The following NADK2 variants were observed in gnomAD, a reference collection of about 807,000 sequenced individuals.
NADK2 encodes NAD kinase domain-containing protein 1, mitochondrial.
Under a neutral mutation model 62.1 loss-of-function variants are expected in NADK2, and 35 were observed. That is an observed-to-expected ratio of 0.56 (90% CI 0.43 to 0.75). The LOEUF (loss-of-function observed/expected upper bound fraction) is 0.75, where lower values mean the gene tolerates loss of function less well. NADK2 is among the 30% of genes least tolerant of loss of function. The pLI, the probability that NADK2 is intolerant of heterozygous loss-of-function variation, is 0.00. For synonymous variants in NADK2, 205 were observed against 207.9 expected (o/e 0.99, Z 0.12); for missense variants, 439 against 561.3 (o/e 0.78, Z 2.20).
At position 36,217,744 on chromosome 5, in the gene NADK2, C is replaced by T. The variant is rs764611157; in HGVS notation, c.781+4G>A. The T allele has an allele frequency of 6.2e-7, 1 of 1,613,550 alleles. No individual in the cohort carries two copies. Among genetic ancestry groups the T allele is most frequent in the Non-Finnish European group, 8.5e-7 (1 of 1,179,770 alleles). Reference sequence around the variant, plus strand: ...CAAACACATCTGATGCCCAATCCACCTACTTTCATCATGAGCTCTTTCAAT... The same window carrying T: ...CAAACACATCTGATGCCCAATCCACTTACTTTCATCATGAGCTCTTTCAAT... On this transcript the variant is annotated splice_donor_region_variant and intron_variant, in intron 6 of 11. Coordinates refer to ENST00000381937, the MANE Select transcript of NADK2 (RefSeq NM_001085411.3).
rs35678845 is a variant in NADK2, at chr5:36,193,474, CAAAAAAAAAAA to C, written c.*1659_*1669del. On this transcript the variant is annotated 3_prime_UTR_variant, in exon 12 of 12. Transcript: ENST00000381937. ...GGGTGACAAAGCAAGACTCCGTTCT[CAAAAAAAAAAA>C]AAAAAAAAAAGAAGGTATTTTAAGC... 3 of 60,434 alleles carry C rather than the reference CAAAAAAAAAAA, an allele frequency of 5.0e-5. No individual in the cohort carries two copies. Among genetic ancestry groups the C allele is most frequent in the South Asian group, 6.2e-4 (1 of 1,622 alleles). 3.7% of individuals were successfully genotyped at this position (60,434 alleles called of 1,614,324 possible). A position where few individuals can be genotyped will look rare whatever the true frequency, so the allele number is the denominator to read the frequency against.
At chr5:36,224,090 A>G (rs1435978987) in intron 4 of NADK2, among the ~76,000 whole-genome samples, 3 of 152,202 alleles carry the variant, frequency 2.0e-5, no homozygotes, top group Admixed American at 6.5e-5. Flanking sequence ...AGCAGCCACC[A>G]CAGAGAATGG....
chr5:36,217,602 C>T (rs998465601), intron 6 of NADK2, 146 bp downstream of exon 6: 2 of 839,340 alleles, frequency 2.4e-6, no homozygotes, highest in Non-Finnish European at 1.9e-6. Context: ...TTCTAATAAA[C>T]TTTACAACTG....
At chr5:36,237,772 TG>T (rs1448921191) in intron 1 of NADK2, among the ~76,000 whole-genome samples, 1 of 152,208 alleles carries the variant, frequency 6.6e-6, no homozygotes, top group Non-Finnish European at 1.5e-5. Flanking sequence ...TCAGTTTAAC[TG>T]GGGACCACAT....
chr5:36,232,665 C>T (rs1452981459), intron 1 of NADK2, among the ~76,000 whole-genome samples: 1 of 152,126 alleles, frequency 6.6e-6, no homozygotes, highest in Non-Finnish European at 1.5e-5. Context: ...CCTTTATTTT[C>T]CCCAACGTTC....
At chr5:36,216,909 A>G (rs1747064481) in intron 6 of NADK2, among the ~76,000 whole-genome samples, 1 of 152,104 alleles carries the variant, frequency 6.6e-6, no homozygotes, top group Non-Finnish European at 1.5e-5. Context: ...TAATTTCTTA[A>G]GATTTTTTTA....
chr5:36,208,480 C>A, intron 7 of NADK2: 1 of 608,268 alleles, frequency 1.6e-6, no homozygotes, highest in Non-Finnish European at 2.9e-6. Context: ...GAGAGAAAGA[C>A]AAGTACAGTC....
upstream of NADK2, chr5:36,242,196 A>G (rs1308728120): frequency 1.3e-5 from 2 of 152,510 alleles, no homozygotes; most frequent in Non-Finnish European, 2.9e-5. Context: ...TCTATCGGCC[A>G]ATCAGAGCCC....
At chr5:36,200,969 T>A (rs942202475) in intron 9 of NADK2, 137 bp downstream of exon 9, 2 of 666,510 alleles carry the variant, frequency 3.0e-6, no homozygotes, top group Admixed American at 5.9e-5. Flanking sequence ...ATCAGTGATA[T>A]TGTGAAGAAA....
intron 2 of NADK2, among the ~76,000 whole-genome samples, 197 bp downstream of exon 2, chr5:36,227,280 G>C (rs528644138): frequency 8.2e-4 from 125 of 152,272 alleles, no homozygotes; most frequent in African/African-American, 2.9e-3. Flanking sequence ...GAAAACACCT[G>C]TGACATTTTC....
intron 1 of NADK2, among the ~76,000 whole-genome samples, chr5:36,227,918 C>A (rs976828141): frequency 6.8e-6 from 1 of 147,384 alleles, no homozygotes; most frequent in Non-Finnish European, 1.5e-5. Context: ...GATCTCGGCT[C>A]ACTGCAAGCT....
chr5:36,197,191 G>T (rs1746261314), intron 11 of NADK2, among the ~76,000 whole-genome samples: 1 of 151,944 alleles, frequency 6.6e-6, no homozygotes, highest in African/African-American at 2.4e-5. Flanking sequence ...AGTGTTTATT[G>T]TGTTTTTATT....
At chr5:36,208,089 C>T (rs1746706143) in intron 7 of NADK2, among the ~76,000 whole-genome samples, 1 of 152,034 alleles carries the variant, frequency 6.6e-6, no homozygotes, top group South Asian at 2.1e-4. Context: ...TACGATAAAA[C>T]CGTAATAAAA....
intron 8 of NADK2, among the ~76,000 whole-genome samples, chr5:36,204,619 A>G (rs1480981487): frequency 6.6e-6 from 1 of 152,106 alleles, no homozygotes; most frequent in African/African-American, 2.4e-5. Flanking sequence ...TAAAGGATTA[A>G]GTTTTTTTCA....
Position 36,195,294 on chromosome 5 carries a change from G to A in NADK2, c.1191-12C>T, listed in dbSNP as rs761588247. The A allele has an allele frequency of 1.9e-6, 3 of 1,593,080 alleles. No homozygotes were observed. The highest frequency in any genetic ancestry group is 1.7e-6 in the Non-Finnish European group (2 of 1,172,530). On this transcript the variant is annotated splice_polypyrimidine_tract_variant and intron_variant, in intron 11 of 11. Transcript: ENST00000381937. ...AACGAACACAAACCCTAGGCAGAAG[G>A]AAATATCTCATTAAATAGTAATAGT... is the stretch of plus-strand genomic sequence containing the variant.
intron 1 of NADK2, among the ~76,000 whole-genome samples, chr5:36,234,756 A>G (rs1356479997): frequency 6.6e-6 from 1 of 152,186 alleles, no homozygotes; most frequent in African/African-American, 2.4e-5. Context: ...GTGTCTTGTT[A>G]CTTTCTGAAA....
In NADK2 at chr5:36,205,586, G is replaced by A. The variant is rs1273138255; in HGVS notation, c.956+1584C>T. ...GCAATCTGAACAGAGGTCAATGAAA[G>A]TTATAAGGCAGAGAAGAGAGACAGA... On this transcript the variant is annotated intron_variant, in intron 8 of 11. Transcript: ENST00000381937. The surrounding 1 kb of genome is among the most constrained non-coding windows in gnomAD (Gnocchi z 4.1). Among the ~76,000 whole-genome samples, 1 of 152,056 alleles carries A rather than the reference G, an allele frequency of 6.6e-6. No individual in the cohort carries two copies. The highest frequency in any genetic ancestry group is 1.5e-5 in the Non-Finnish European group (1 of 68,004).
chr5:36,238,110 A>T (rs1245619495), intron 1 of NADK2, among the ~76,000 whole-genome samples: 2 of 152,234 alleles, frequency 1.3e-5, no homozygotes, highest in Admixed American at 1.3e-4. Context: ...AATTTGATTA[A>T]CAATCATATT....
intron 4 of NADK2, among the ~76,000 whole-genome samples, chr5:36,220,596 T>C (rs1719803664): frequency 6.6e-6 from 1 of 152,228 alleles, no homozygotes; most frequent in Non-Finnish European, 1.5e-5. Context: ...TAAGAAAGCG[T>C]AAGGCCTAGG....
Sources: allele counts gnomAD v4.1 joint callset (sites outside exome capture counted in the v4.1 genomes callset), GRCh38; gene constraint gnomAD v4.1.1; non-coding constraint Gnocchi (gnomAD v3.1); transcripts MANE v1.5; gene names NCBI Gene and HGNC (gene_info 2026-07-23, HGNC 2026-07-21).